CD163L1: variants seen among roughly 807,000 people sequenced by gnomAD.
CD163L1 encodes the protein CD163 molecule like 1, also known as scavenger receptor cysteine-rich type 1 protein M160.
Under a neutral mutation model 165.4 loss-of-function variants are expected in CD163L1, and 124 were observed. The observed-to-expected ratio is 0.75, with a 90% CI of 0.65 to 0.87. The LOEUF is 0.87. Among genes scored for constraint, CD163L1 ranks in the 40% least tolerant of loss-of-function variants. The pLI, the probability that CD163L1 is intolerant of heterozygous loss-of-function variation, is 0.00. For missense variants in CD163L1, 1,525 were observed against 1,799.9 expected, an observed-to-expected ratio of 0.85 and a Z score of 2.76; for synonymous variants, 585 against 662.2, an observed-to-expected ratio of 0.88 and a Z score of 1.79.
At chr12:7,338,917 C>T in the CD163L1 span, among the ~76,000 whole-genome samples, 138 of 152,254 alleles carry the variant, frequency 9.1e-4, no homozygotes, top group African/African-American at 3.3e-3. Flanking sequence ...AAATGGTGTT[C>T]CTTGGCTCTA....
downstream of CD163L1, among the ~76,000 whole-genome samples, chr12:7,345,564 T>C (rs1350441680): frequency 6.6e-6 from 1 of 152,204 alleles, no homozygotes; most frequent in South Asian, 2.1e-4. Flanking sequence ...TCCTATCTTC[T>C]TCTGAGTCCT....
chr12:7,376,067 CT>C, intron 9 of CD163L1, 53 bp from the exon 10 acceptor site: 1 of 1,505,536 alleles, frequency 6.6e-7, no homozygotes, highest in Non-Finnish European at 8.9e-7. Flanking sequence ...ATATCTATCC[CT>C]GTCTCCAGTC....
intron 8 of CD163L1, among the ~76,000 whole-genome samples, chr12:7,383,408 A>G (rs748442328): frequency 6.6e-6 from 1 of 152,230 alleles, no homozygotes; most frequent in East Asian, 1.9e-4. Flanking sequence ...TATTGGTGAC[A>G]CCAGTCATGT....
chr12:7,397,475 A>C (rs1488291369), intron 7 of CD163L1, among the ~76,000 whole-genome samples: 5 of 152,218 alleles, frequency 3.3e-5, no homozygotes, highest in African/African-American at 4.8e-5. Flanking sequence ...GGGATGGAAT[A>C]GAATTCTGAA....
chr12:7,413,091 CAA>C (rs111943372), intron 4 of CD163L1, among the ~76,000 whole-genome samples: 3 of 39,544 alleles, frequency 7.6e-5, no homozygotes, highest in Non-Finnish European at 5.8e-5. Context: ...GACTCCATCT[CAA>C]AAAAAAAAAA....
the CD163L1 span, among the ~76,000 whole-genome samples, chr12:7,330,978 A>G: frequency 6.6e-6 from 1 of 152,348 alleles, no homozygotes; most frequent in African/African-American, 2.4e-5. Context: ...GAGCTGAAGC[A>G]GGGCGAGGCA....
At chr12:7,419,382 C>T (rs1948305457) in intron 4 of CD163L1, among the ~76,000 whole-genome samples, 1 of 152,140 alleles carries the variant, frequency 6.6e-6, no homozygotes, top group South Asian at 2.1e-4. Flanking sequence ...CCATCTATGG[C>T]AAACCCACAG....
rs1014250121 is a variant in CD163L1 at position 7,432,881 on chromosome 12, G to T, written c.446-145C>A. On this transcript the variant is annotated intron_variant, in intron 3 of 19. Coordinates refer to ENST00000313599, the MANE Select transcript of CD163L1 (RefSeq NM_174941.6). This position sits in a 1 kb window ranked among gnomAD's most constrained non-coding sequence, Gnocchi z 4.2. ...ATAACTGAAAATACTTATAGGAGGG[G>T]TATGTGAGGCTTTTTTCTAAACACA... 6 of 647,496 alleles carry T rather than the reference G, an allele frequency of 9.3e-6. No homozygotes were observed. Among genetic ancestry groups the T allele is most frequent in the Middle Eastern group, 3.1e-4 (1 of 3,268 alleles). The allele number at this position is 647,496 out of a possible 1,614,324, so 40.1% of individuals were successfully genotyped here.
At chr12:7,370,979 T>C (rs1257363185) in intron 14 of CD163L1, among the ~76,000 whole-genome samples, 2 of 152,146 alleles carry the variant, frequency 1.3e-5, no homozygotes, top group African/African-American at 4.8e-5. Flanking sequence ...TGGGAGGTAA[T>C]TGAATCATAG....
chr12:7,395,583 TA>T (rs1209768506), intron 8 of CD163L1, among the ~76,000 whole-genome samples: 2 of 152,126 alleles, frequency 1.3e-5, no homozygotes, highest in African/African-American at 4.8e-5. Context: ...CCCTAGAACT[TA>T]AAGTATAATA....
At chr12:7,328,555 G>A in the CD163L1 span, 21 of 375,016 alleles carry the variant, frequency 5.6e-5, no homozygotes, top group Middle Eastern at 7.6e-4. Flanking sequence ...CCTCAAAAAC[G>A]TATGGATGAA....
intron 6 of CD163L1, among the ~76,000 whole-genome samples, chr12:7,403,218 C>T (rs1159628107): frequency 1.3e-5 from 2 of 151,910 alleles, no homozygotes; most frequent in African/African-American, 4.8e-5. Flanking sequence ...TAAAAAGCAG[C>T]AGAAAAGCTG....
At chr12:7,327,504 CAGA>C in the CD163L1 span, among the ~76,000 whole-genome samples, 2 of 152,120 alleles carry the variant, frequency 1.3e-5, no homozygotes, top group African/African-American at 2.4e-5. Context: ...ATTTAGTGTT[CAGA>C]AGAAGATGAT....
the CD163L1 span, among the ~76,000 whole-genome samples, chr12:7,326,178 C>T: frequency 1.3e-5 from 2 of 152,108 alleles, no homozygotes; most frequent in African/African-American, 2.4e-5. Flanking sequence ...TAGATCAATC[C>T]TTCCTGAGAG....
intron 6 of CD163L1, among the ~76,000 whole-genome samples, 157 bp downstream of exon 6, chr12:7,403,378 C>T (rs937695037): frequency 6.6e-6 from 1 of 152,140 alleles, no homozygotes; most frequent in Non-Finnish European, 1.5e-5. Flanking sequence ...TCTCTTTTTA[C>T]AATGTGCATT....
the CD163L1 span, among the ~76,000 whole-genome samples, chr12:7,326,237 C>G: frequency 6.6e-6 from 1 of 152,142 alleles, no homozygotes; most frequent in Non-Finnish European, 1.5e-5. Context: ...GAGACTTGCT[C>G]TGTCACCCAG....
intron 7 of CD163L1, among the ~76,000 whole-genome samples, chr12:7,397,405 G>T (rs1240060332): frequency 6.6e-6 from 1 of 152,080 alleles, no homozygotes; most frequent in Non-Finnish European, 1.5e-5. Context: ...ACCTTCACCT[G>T]GTAAGGTACT....
chr12:7,368,951 A>T lies in CD163L1; in HGVS notation c.4054T>A (p.Ser1352Thr). ...GVRCSGQSLK[S>T]LNASSGHLAL... ...ACTATACCTGAGGAGGCATTCAGTG[A>T]TTTCAGCGACTGTCCTGAGAGAGAG... Residue 1352 changes from serine to threonine, a missense_variant, in exon 16 of 20, where the codon TCA becomes ACA. Ser to Thr is a moderately conservative substitution (Grantham distance 58). Transcript: ENST00000313599. This position sits in a 1 kb window ranked among gnomAD's most constrained non-coding sequence, Gnocchi z 4.3. 1 of 1,613,442 alleles carries T rather than the reference A, an allele frequency of 6.2e-7. No homozygotes were observed. The highest frequency in any genetic ancestry group is 1.7e-5 in the Admixed American group (1 of 60,012).
At chr12:7,349,539 T>C (rs1217924371) in intron 4 of CD163L1, among the ~76,000 whole-genome samples, 1 of 152,088 alleles carries the variant, frequency 6.6e-6, no homozygotes, top group Non-Finnish European at 1.5e-5. Flanking sequence ...TAATAAAACA[T>C]GACTGGAATA....
Sources: allele counts gnomAD v4.1 joint callset (sites outside exome capture counted in the v4.1 genomes callset), GRCh38; gene constraint gnomAD v4.1.1; non-coding constraint Gnocchi (gnomAD v3.1); transcripts MANE v1.5; gene names NCBI Gene and HGNC (gene_info 2026-07-23, HGNC 2026-07-21).